NINL: variants seen among roughly 807,000 people sequenced by gnomAD.
NINL encodes ninein-like protein.
Under a neutral mutation model 160.3 loss-of-function variants are expected in NINL, and 153 were observed. That is an observed-to-expected ratio of 0.95 (90% CI 0.84 to 1.09). The LOEUF (loss-of-function observed/expected upper bound fraction) is 1.09. NINL is among the 50% of genes least tolerant of loss of function. The probability of loss-of-function intolerance (pLI) is 0.00; values close to 1 mark genes in which losing one functional copy is unlikely to be tolerated. For synonymous variants in NINL, 800 were observed against 734.8 expected, an observed-to-expected ratio of 1.09 and a Z score of -1.43; for missense variants, 1,829 against 1,764.0, an observed-to-expected ratio of 1.04 and a Z score of -0.66.
intron 2 of NINL, among the ~76,000 whole-genome samples, chr20:25,518,908 G>C (rs2064212210): frequency 6.6e-6 from 1 of 152,050 alleles, no homozygotes; most frequent in Non-Finnish European, 1.5e-5. Context: ...GACCAGCCTG[G>C]CCAATATGGT....
At chr20:25,520,691 TC>T (rs2064247873) in intron 2 of NINL, among the ~76,000 whole-genome samples, 1 of 152,238 alleles carries the variant, frequency 6.6e-6, no homozygotes, top group Non-Finnish European at 1.5e-5. Flanking sequence ...GTTATTTTCT[TC>T]TAGCATATTG....
At chr20:25,496,904 T>C in intron 9 of NINL, 101 bp from the exon 10 acceptor site, 1 of 1,470,764 alleles carries the variant, frequency 6.8e-7, no homozygotes, top group Non-Finnish European at 9.2e-7. Flanking sequence ...TGATAGAAAC[T>C]AGCACACCAA....
rs372321929 is a variant in NINL at position 25,469,985 on chromosome 20, C to T, written c.3353+6G>A. The T allele has an allele frequency of 1.9e-6, 3 of 1,611,684 alleles. No homozygotes were observed. The highest frequency in any genetic ancestry group is 2.7e-5 in the African/African-American group (2 of 74,898). On this transcript the variant is annotated splice_donor_region_variant and intron_variant, in intron 18 of 23. Coordinates refer to ENST00000278886, the MANE Select transcript of NINL (RefSeq NM_025176.6). ...CAGAAGGTCTGGGTAGGGGCGTGGC[C>T]CTTACCTCTGTGCATCGTGAGTACT... is the stretch of plus-strand genomic sequence containing the variant.
intron 17 of NINL, among the ~76,000 whole-genome samples, chr20:25,473,695 C>T (rs1601049791): frequency 6.8e-6 from 1 of 146,594 alleles, no homozygotes; most frequent in Non-Finnish European, 1.5e-5. Context: ...CACACACACA[C>T]ACACACACAC....
intron 1 of NINL, among the ~76,000 whole-genome samples, chr20:25,567,561 C>G (rs57450264): frequency 0.012 from 1,883 of 151,786 alleles, 35 homozygotes; most frequent in African/African-American, 0.04. Context: ...TGCAGGAACC[C>G]AAAACAAAGA....
chr20:25,492,714 T>C (rs1394166922), intron 10 of NINL, among the ~76,000 whole-genome samples: 1 of 152,084 alleles, frequency 6.6e-6, no homozygotes, highest in African/African-American at 2.4e-5. Context: ...AGTGCTGGGA[T>C]TACAGGTGTG....
chr20:25,553,549 AAC>A (rs1189081478), intron 1 of NINL, among the ~76,000 whole-genome samples: 4 of 152,242 alleles, frequency 2.6e-5, no homozygotes, highest in African/African-American at 9.6e-5. Context: ...TCCAATGTGT[AAC>A]ACAGATGCAT....
chr20:25,476,425 G>T lies in NINL; in HGVS notation c.2866C>A (p.Arg956=). 6.2e-7 allele frequency: 1 copy of T among 1,609,634 alleles called. No homozygotes were observed. Among genetic ancestry groups the T allele is most frequent in the South Asian group, 1.1e-5 (1 of 91,060 alleles). The part of the protein sequence containing the change: ...TERDASQTQP[R]MWEPPLRPAA... ...GGCCTCAGGGGTGGCTCCCACATCC[G>T]TGGCTGGGTTTGCGAGGCGTCTCTC... The change falls in exon 17 of 24, where the codon CGG becomes AGG. Residue 956 remains arginine, a synonymous_variant. Coordinates refer to ENST00000278886, the MANE Select transcript of NINL (RefSeq NM_025176.6).
chr20:25,510,220 A>G (rs1170486159), intron 5 of NINL, among the ~76,000 whole-genome samples: 2 of 152,234 alleles, frequency 1.3e-5, no homozygotes, highest in African/African-American at 4.8e-5. Flanking sequence ...TTTGTGAGAC[A>G]GATAAAACCC....
chr20:25,585,399 G>A (rs1348173452), intron 1 of NINL, 56 bp downstream of exon 1: 1 of 152,146 alleles, frequency 6.6e-6, no homozygotes, highest in Non-Finnish European at 1.5e-5. Context: ...GGCGGCCCCG[G>A]ACTCTCGACC....
intron 11 of NINL, among the ~76,000 whole-genome samples, chr20:25,490,915 CA>C (rs1350304808): frequency 1.1e-4 from 16 of 151,468 alleles, no homozygotes; most frequent in African/African-American, 3.4e-4. Flanking sequence ...GAGTCAGTAT[CA>C]GGGGACAGTT....
At chr20:25,518,478 T>C (rs1335492869) in intron 2 of NINL, among the ~76,000 whole-genome samples, 1 of 152,196 alleles carries the variant, frequency 6.6e-6, no homozygotes, top group Non-Finnish European at 1.5e-5. Flanking sequence ...CATTTTCTCT[T>C]TTAACAAGAA....
At chr20:25,492,999 C>T (rs2063673146) in intron 10 of NINL, among the ~76,000 whole-genome samples, 2 of 152,224 alleles carry the variant, frequency 1.3e-5, no homozygotes, top group Admixed American at 1.3e-4. Context: ...AACCCAAGCT[C>T]TCAGGGCCAC....
intron 1 of NINL, among the ~76,000 whole-genome samples, chr20:25,584,649 A>T (rs377067771): frequency 6.6e-6 from 1 of 152,250 alleles, no homozygotes; most frequent in African/African-American, 2.4e-5. Context: ...CGCCAGCTTC[A>T]TGGGTCTCTT....
At chr20:25,501,763 G>A (rs1267074654) in intron 7 of NINL, among the ~76,000 whole-genome samples, 1 of 152,134 alleles carries the variant, frequency 6.6e-6, no homozygotes, top group South Asian at 2.1e-4. Flanking sequence ...CTCCCAAGTA[G>A]CTGGGACCAT....
At chr20:25,500,507 AT>A (rs1404685909) in intron 8 of NINL, among the ~76,000 whole-genome samples, 4 of 152,226 alleles carry the variant, frequency 2.6e-5, no homozygotes, top group Non-Finnish European at 5.9e-5. Context: ...AGAAATCGTC[AT>A]CATCACAACA....
intron 1 of NINL, among the ~76,000 whole-genome samples, chr20:25,581,304 C>T (rs1361471588): frequency 1.3e-5 from 2 of 152,072 alleles, no homozygotes; most frequent in Non-Finnish European, 2.9e-5. Flanking sequence ...ATTAGCTGAG[C>T]GTGGTCAGGC....
chr20:25,512,278 T>C (rs1419705724), intron 4 of NINL, among the ~76,000 whole-genome samples: 2 of 152,190 alleles, frequency 1.3e-5, no homozygotes, highest in Non-Finnish European at 2.9e-5. Flanking sequence ...ACACTCACAC[T>C]CCTAACCTCG....
In NINL at chr20:25,456,560, CA is replaced by C. The variant is rs1205573752; in HGVS notation, c.3844-775del. ...AAGACTCCGTCTCAAAAAAAAAACA[CA>C]AAAAACAAAAACAAAAAGGTTACAG... is the stretch of plus-strand genomic sequence containing the variant. On this transcript the variant is annotated intron_variant, in intron 22 of 23. Coordinates refer to ENST00000278886, the MANE Select transcript of NINL (RefSeq NM_025176.6). Among the ~76,000 whole-genome samples, 456 of 148,418 alleles carry C rather than the reference CA, an allele frequency of 3.1e-3. 16 individuals carry two copies. Among genetic ancestry groups the C allele is most frequent in the Non-Finnish European group, 6.3e-4 (42 of 66,912 alleles).
Sources: gnomAD v4.1 joint callset for allele counts (sites outside exome capture counted in the v4.1 genomes callset) on GRCh38, gnomAD v4.1.1 for gene constraint, MANE v1.5 for transcripts, NCBI Gene and HGNC (gene_info 2026-07-23, HGNC 2026-07-21) for gene names.